The following STPG3 variants were observed in gnomAD, a reference collection of about 807,000 sequenced individuals.
STPG3 encodes protein STPG3.
In STPG3, 39 loss-of-function variants were observed where a neutral mutation model predicts 32.5. The observed-to-expected ratio is 1.20, with a 90% CI of 0.93 to 1.57. The LOEUF (loss-of-function observed/expected upper bound fraction) is 1.57, where lower values mean the gene tolerates loss of function less well. Ranked by LOEUF, STPG3 falls within the 40% of genes most tolerant of loss-of-function variation. The pLI is 0.00. For synonymous variants in STPG3, 209 were observed against 172.4 expected (o/e 1.21, Z -1.66); for missense variants, 507 against 407.6 (o/e 1.24, Z -2.10).
In STPG3 at chr9:137,253,145, T is replaced by G; in HGVS notation, c.827T>G (p.Val276Gly). The change falls in exon 6 of 6, where the codon GTG (valine) becomes GGG (glycine). Residue 276 changes from valine (V) to glycine (G), a missense_variant. By Grantham distance (109) the Val-to-Gly change is moderately radical. Coordinates refer to ENST00000412566, the MANE Select transcript of STPG3 (RefSeq NM_001004353.4). Reference protein sequence around the residue: ...SRTPGPAAYHVEDCNSRFPSA... With the variant: ...SRTPGPAAYHGEDCNSRFPSA... Reference sequence around the variant, plus strand: ...ACCCCTGGCCCAGCCGCCTACCACGTGGAGGACTGCAACTCACGCTTCCCT... The same window carrying G: ...ACCCCTGGCCCAGCCGCCTACCACGGGGAGGACTGCAACTCACGCTTCCCT... 6.3e-7 allele frequency: 1 copy of G among 1,592,770 alleles called. No homozygotes were observed. The highest frequency in any genetic ancestry group is 8.6e-7 in the Non-Finnish European group (1 of 1,167,352).
At position 137,253,433 on chromosome 9, in the gene STPG3, C is replaced by CCCCCATCTGCCCATCTCCCCT; in HGVS notation, c.*208_*209insTCCCCATCTGCCCATCTCCCC. 2.1e-6 allele frequency: 3 copies of CCCCCATCTGCCCATCTCCCCT among 1,441,688 alleles called. No homozygotes were observed. In the South Asian group the frequency reaches 4.4e-5, roughly 21 times the overall value. 89.3% of individuals were successfully genotyped at this position (1,441,688 alleles called of 1,614,324 possible). The stretch of plus-strand genomic sequence containing the variant: ...TGGACAAGGCTGGCCCAGCCTGGAT[C>CCCCCATCTGCCCATCTCCCCT]CCCCATCTGCCCATCTCCCCGCTAC... On this transcript the variant is annotated 3_prime_UTR_variant, in exon 6 of 6. Coordinates refer to ENST00000412566, the MANE Select transcript of STPG3 (RefSeq NM_001004353.4).
Position 137,251,546 on chromosome 9 carries a change from CA to C in STPG3, c.110+151del, listed in dbSNP as rs1337916096. 1.1e-5 allele frequency: 11 copies of C among 964,814 alleles called. No homozygotes were observed. The Admixed American group carries it at 1.7e-4, about 15-fold the overall frequency. 59.8% of individuals were successfully genotyped at this position (964,814 alleles called of 1,614,324 possible). ...TGTGGGGCAGGCGGCTGGGAGCGGC[CA>C]GGGGCTGAGGGACAGTAGAGGGGAC... On this transcript the variant is annotated intron_variant, in intron 1 of 5. Coordinates refer to ENST00000412566, the MANE Select transcript of STPG3 (RefSeq NM_001004353.4).
chr9:137,251,885 G>T lies in STPG3; in HGVS notation c.258G>T (p.Leu86=). 1 of 1,608,038 alleles carries T rather than the reference G, an allele frequency of 6.2e-7. No individual in the cohort carries two copies. Among genetic ancestry groups the T allele is most frequent in the Admixed American group, 1.7e-5 (1 of 59,206 alleles). ...QESLPTYTQT[L]RELLLEQRPL... ...CCCTGCCCACCTACACCCAGACCCT[G>T]AGGGAACTATGTGAGTGAGGGTCCT... The change falls in exon 2 of 6, where the codon CTG becomes CTT. Residue 86 remains leucine (L), a synonymous_variant. Transcript: ENST00000412566.
At chr9:137,252,638 A>AG in intron 4 of STPG3, 24 bp from the exon 5 acceptor site, 1 of 1,450,112 alleles carries the variant, frequency 6.9e-7, no homozygotes, top group South Asian at 1.3e-5. Context: ...CCTGCCCTGC[A>AG]GCCCGTCTCC....
At position 137,253,092 on chromosome 9, in the gene STPG3, C is replaced by G. The variant is rs1294872859; in HGVS notation, c.797-23C>G. On this transcript the variant is annotated intron_variant, in intron 5 of 5. Coordinates refer to ENST00000412566, the MANE Select transcript of STPG3 (RefSeq NM_001004353.4). Reference sequence around the variant, plus strand: ...AGTTGGGGCTGCTACCTGGGTGGGGCTCCCAGCCTTCTCTTTCGGCAGCCC... The same window carrying G: ...AGTTGGGGCTGCTACCTGGGTGGGGGTCCCAGCCTTCTCTTTCGGCAGCCC... The G allele has an allele frequency of 1.9e-6, 3 of 1,546,506 alleles. No homozygotes were observed. In the Admixed American group the frequency reaches 5.6e-5, roughly 29 times the overall value.
chr9:137,253,292 TG>T lies in STPG3; in HGVS notation c.*49del. On this transcript the variant is annotated 3_prime_UTR_variant, in exon 6 of 6. Coordinates refer to ENST00000412566, the MANE Select transcript of STPG3 (RefSeq NM_001004353.4). Reference sequence around the variant, plus strand: ...TTGGCCCGGCCACCGAGTGGAACCATGGCCTCCCCCGGGGCTTTCCCAGGCC... The same window carrying T: ...TTGGCCCGGCCACCGAGTGGAACCATGCCTCCCCCGGGGCTTTCCCAGGCC... 1 of 1,575,374 alleles carries T rather than the reference TG, an allele frequency of 6.3e-7. No individual in the cohort carries two copies. The highest frequency in any genetic ancestry group is 1.2e-5 in the South Asian group (1 of 86,174).
Position 137,251,412 on chromosome 9 carries a change from G to A in STPG3, c.110+16G>A, listed in dbSNP as rs1837304184. The A allele has an allele frequency of 6.3e-7, 1 of 1,584,770 alleles. No homozygotes were observed. The highest frequency in any genetic ancestry group is 8.7e-7 in the Non-Finnish European group (1 of 1,156,010). On this transcript the variant is annotated intron_variant, in intron 1 of 5. Transcript: ENST00000412566. ...AGCCCACCCAGTAACTGGCGGAGAG[G>A]GGGAGAAGGGGCGGGCCAGCTGGGA...
At chr9:137,251,594 G>T in intron 1 of STPG3, 144 bp from the exon 2 acceptor site, 1 of 1,143,886 alleles carries the variant, frequency 8.7e-7, no homozygotes, top group Non-Finnish European at 1.2e-6. Flanking sequence ...AGCGGCCAGG[G>T]GCTGAGGGAC....
In STPG3 at chr9:137,251,382, A is replaced by G. The variant is rs774160306; in HGVS notation, c.96A>G (p.Gln32=). ...CCCATGGTCACCTGAGGCAGACACA[A>G]CCAGAGCCCACCCAGTAACTGGCGG... The part of the protein sequence containing the change: ...HWTHGHLRQT[Q]PEPTQPKASV... Residue 32 remains glutamine (Q), a synonymous_variant, in exon 1 of 6, where the codon CAA becomes CAG. Coordinates refer to ENST00000412566, the MANE Select transcript of STPG3 (RefSeq NM_001004353.4). The G allele has an allele frequency of 5.2e-5, 84 of 1,611,876 alleles. No homozygotes were observed. The highest frequency in any genetic ancestry group is 9.3e-6 in the Non-Finnish European group (11 of 1,178,636).
rs761768752 is a variant in STPG3 at position 137,253,173 on chromosome 9, G to A, written c.855G>A (p.Ser285=). Residue 285 remains serine (S), a synonymous_variant, in exon 6 of 6, where the codon TCG becomes TCA. Coordinates refer to ENST00000412566, the MANE Select transcript of STPG3 (RefSeq NM_001004353.4). The part of the protein sequence containing the change: ...HVEDCNSRFP[S]APGVVIQGVR... Reference sequence around the variant, plus strand: ...AGGACTGCAACTCACGCTTCCCTTCGGCGCCTGGCGTGGTCATCCAGGGTG... The same window carrying A: ...AGGACTGCAACTCACGCTTCCCTTCAGCGCCTGGCGTGGTCATCCAGGGTG... 25 of 1,604,278 alleles carry A rather than the reference G, an allele frequency of 1.6e-5. No homozygotes were observed. Among genetic ancestry groups the A allele is most frequent in the African/African-American group, 6.7e-5 (5 of 74,782 alleles).
In STPG3 at chr9:137,252,852, G is replaced by C. The variant is rs759166621; in HGVS notation, c.683G>C (p.Arg228Thr). The C allele has an allele frequency of 6.3e-7, 1 of 1,578,930 alleles. No individual in the cohort carries two copies. The highest frequency in any genetic ancestry group is 1.2e-5 in the South Asian group (1 of 86,386). Reference protein sequence around the residue: ...LQASLQAPGKRCPGPNTYNIL... With the variant: ...LQASLQAPGKTCPGPNTYNIL... ...GCCTCTTTGCAGGCACCTGGCAAGA[G>C]ATGCCCTGGCCCCAACACCTACAAT... The change falls in exon 5 of 6, where the codon AGA becomes ACA. Residue 228 changes from arginine (R) to threonine (T), a missense_variant. By Grantham distance (71) the Arg-to-Thr change is moderately conservative (BLOSUM62 -1). Transcript: ENST00000412566.
Position 137,253,456 on chromosome 9 carries a change from T to C in STPG3, c.*211T>C. The C allele has an allele frequency of 7.0e-7, 1 of 1,435,720 alleles. No individual in the cohort carries two copies. The highest frequency in any genetic ancestry group is 2.9e-5 in the Admixed American group (1 of 35,068). The allele number at this position is 1,435,720 out of a possible 1,614,324, so 88.9% of individuals were successfully genotyped here. A position where few individuals can be genotyped will look rare whatever the true frequency, so the allele number is the denominator to read the frequency against. On this transcript the variant is annotated 3_prime_UTR_variant, in exon 6 of 6. Transcript: ENST00000412566. ...ATCCCCCATCTGCCCATCTCCCCGC[T>C]ACACTGAGATGCTGTTGGTTTTCCC...
At chr9:137,252,230 G>A in intron 3 of STPG3, 95 bp downstream of exon 3, 3 of 1,504,968 alleles carry the variant, frequency 2.0e-6, no homozygotes, top group Non-Finnish European at 2.7e-6. Flanking sequence ...CACGGCCTGA[G>A]GGCCCCTCCA....
chr9:137,252,859 TG>T lies in STPG3; in HGVS notation c.692del (p.Gly231AlafsTer23), dbSNP rs1476224109. ...TGCAGGCACCTGGCAAGAGATGCCCTGGCCCCAACACCTACAATATCCTTCC... is the reference window on the plus strand; with the variant it reads ...TGCAGGCACCTGGCAAGAGATGCCCTGCCCCAACACCTACAATATCCTTCC... ...SLQAPGKRCP[G>X]PNTYNILPGS... On this transcript the variant is annotated frameshift_variant, in exon 5 of 6. Transcript: ENST00000412566. LOFTEE classifies it high-confidence loss of function. The T allele has an allele frequency of 6.3e-7, 1 of 1,582,446 alleles. No homozygotes were observed. The highest frequency in any genetic ancestry group is 1.8e-5 in the Admixed American group (1 of 55,742).
In STPG3 at chr9:137,252,345, G is replaced by T. The variant is rs1837380864; in HGVS notation, c.404-92G>T. 1.2e-5 allele frequency: 17 copies of T among 1,416,428 alleles called. No homozygotes were observed. In the South Asian group the frequency reaches 2.1e-4, roughly 17 times the overall value. The allele number at this position is 1,416,428 out of a possible 1,614,324, so 87.7% of individuals were successfully genotyped here. A position where few individuals can be genotyped will look rare whatever the true frequency, so the allele number is the denominator to read the frequency against. ...GACATTGTGAAGACAAGGGTTCAGGGGCCGAGGGTGGGAACCGGGAGACAG... is the reference window on the plus strand; with the variant it reads ...GACATTGTGAAGACAAGGGTTCAGGTGCCGAGGGTGGGAACCGGGAGACAG... On this transcript the variant is annotated intron_variant, in intron 3 of 5. Coordinates refer to ENST00000412566, the MANE Select transcript of STPG3 (RefSeq NM_001004353.4).
In STPG3 at chr9:137,252,537, G is replaced by A. The variant is rs1274595774; in HGVS notation, c.492+12G>A. ...ACCAAGAGCAAAAGGTTGGGGGCTGGGCAGGAAGGGGGCGGGGAGTCCACG... is the reference window on the plus strand; with the variant it reads ...ACCAAGAGCAAAAGGTTGGGGGCTGAGCAGGAAGGGGGCGGGGAGTCCACG... On this transcript the variant is annotated intron_variant, in intron 4 of 5. Coordinates refer to ENST00000412566, the MANE Select transcript of STPG3 (RefSeq NM_001004353.4). 6.3e-7 allele frequency: 1 copy of A among 1,576,816 alleles called. No homozygotes were observed. The highest frequency in any genetic ancestry group is 8.6e-7 in the Non-Finnish European group (1 of 1,161,808).
chr9:137,251,670 A>G (rs1837326219), intron 1 of STPG3, 68 bp from the exon 2 acceptor site: 3 of 1,514,302 alleles, frequency 2.0e-6, no homozygotes, highest in Non-Finnish European at 2.7e-6. Context: ...AATAGAGGGG[A>G]CAGGCTGTGG....
Position 137,253,393 on chromosome 9 carries a change from C to A in STPG3, c.*148C>A. 1 of 1,504,270 alleles carries A rather than the reference C, an allele frequency of 6.6e-7. No homozygotes were observed. 93.2% of individuals were successfully genotyped at this position (1,504,270 alleles called of 1,614,324 possible). ...CCGATGCACCCTTCTGGCTGGCCAA[C>A]CCTTCTATGGGCTGTGGACAAGGCT... On this transcript the variant is annotated 3_prime_UTR_variant, in exon 6 of 6. Coordinates refer to ENST00000412566, the MANE Select transcript of STPG3 (RefSeq NM_001004353.4).
rs1440406834 is a variant in STPG3 at position 137,251,327 on chromosome 9, AT to A, written c.46del (p.Tyr16ThrfsTer13). Reference sequence around the variant, plus strand: ...CAGAAGGCAGTGAAATTCCTGGCAAATTTTTACATCAATGGAGGCAAACACT... The same window carrying A: ...CAGAAGGCAGTGAAATTCCTGGCAAATTTTACATCAATGGAGGCAAACACT... ...SDQKAVKFLA[N>X]FYINGGKHWT... is the part of the protein sequence containing the mutation. On this transcript the variant is annotated frameshift_variant, in exon 1 of 6. Transcript: ENST00000412566. LOFTEE classifies it high-confidence loss of function. The A allele has an allele frequency of 1.2e-6, 2 of 1,613,746 alleles. No individual in the cohort carries two copies. Among genetic ancestry groups the A allele is most frequent in the South Asian group, 2.2e-5 (2 of 91,088 alleles).
Sources: gnomAD v4.1 joint callset for allele counts on GRCh38, gnomAD v4.1.1 for gene constraint, MANE v1.5 for transcripts, NCBI Gene and HGNC (gene_info 2026-07-23, HGNC 2026-07-21) for gene names.